SLC26A7: variants seen among roughly 807,000 people sequenced by gnomAD.
SLC26A7 encodes the protein solute carrier family 26 member 7.
Under a neutral mutation model 82.5 loss-of-function variants are expected in SLC26A7, and 59 were observed. That is an observed-to-expected ratio of 0.72 (90% confidence interval 0.58 to 0.89). SLC26A7 has a LOEUF of 0.89. Among genes scored for constraint, SLC26A7 ranks in the 40% least tolerant of loss-of-function variants. The probability of loss-of-function intolerance (pLI) is 0.00; values close to 1 mark genes in which losing one functional copy is unlikely to be tolerated. For missense variants in SLC26A7, 820 were observed against 793.0 expected, an observed-to-expected ratio of 1.03 and a Z score of -0.41; for synonymous variants, 271 against 274.3, an observed-to-expected ratio of 0.99 and a Z score of 0.12.
At chr8:91,335,277 A>T (rs888056156) in intron 6 of SLC26A7, among the ~76,000 whole-genome samples, 1 of 152,150 alleles carries the variant, frequency 6.6e-6, no homozygotes, top group African/African-American at 2.4e-5. Context: ...ATTGCAATTG[A>T]CTATTAAGGC....
At chr8:91,381,268 G>A (rs911007631) in intron 15 of SLC26A7, among the ~76,000 whole-genome samples, 5 of 152,058 alleles carry the variant, frequency 3.3e-5, no homozygotes, top group Non-Finnish European at 7.4e-5. Flanking sequence ...GAATGTTTTT[G>A]TAAGAGGATA....
intron 4 of SLC26A7, among the ~76,000 whole-genome samples, chr8:91,298,481 G>A (rs988675976): frequency 6.6e-6 from 1 of 151,874 alleles, no homozygotes; most frequent in Non-Finnish European, 1.5e-5. Flanking sequence ...TGTTTTCTAT[G>A]TAAGACATTA....
chr8:91,353,577 A>G (rs767921826), intron 11 of SLC26A7, among the ~76,000 whole-genome samples: 2 of 152,168 alleles, frequency 1.3e-5, no homozygotes, highest in Non-Finnish European at 2.9e-5. Flanking sequence ...AAACCTATCT[A>G]TGCAAGAGCA....
chr8:91,308,246 G>GGTGTGTGT (rs35920887), intron 4 of SLC26A7, among the ~76,000 whole-genome samples: 52 of 145,748 alleles, frequency 3.6e-4, no homozygotes, highest in African/African-American at 9.6e-4. Flanking sequence ...AGGAGGAAGA[G>GGTGTGTGT]GTGTGTGTGT....
chr8:91,235,491 A>G (rs1228049465), intron 2 of SLC26A7, among the ~76,000 whole-genome samples: 1 of 152,208 alleles, frequency 6.6e-6, no homozygotes, highest in Non-Finnish European at 1.5e-5. Flanking sequence ...CCAGTCTAGG[A>G]ACACTGTGAA....
intron 11 of SLC26A7, among the ~76,000 whole-genome samples, chr8:91,356,238 ATACCCAG>A (rs1303964118): frequency 6.6e-6 from 1 of 152,242 alleles, no homozygotes; most frequent in Non-Finnish European, 1.5e-5. Context: ...CTTTTGGTAT[ATACCCAG>A]TAATGGGATG....
At chr8:91,382,244 A>T (rs1814688879) in intron 15 of SLC26A7, among the ~76,000 whole-genome samples, 1 of 152,170 alleles carries the variant, frequency 6.6e-6, no homozygotes, top group Admixed American at 6.5e-5. Context: ...AATAAATTAT[A>T]ATGGTTTCCT....
rs747237907 is a variant in SLC26A7, at chr8:91,292,051, G to T, written c.304+2805G>T. 5.3e-5 allele frequency among the ~76,000 whole-genome samples: 8 copies of T among 152,088 alleles called. 1 individual carries two copies. Among genetic ancestry groups the T allele is most frequent in the Non-Finnish European group, 7.4e-5 (5 of 67,996 alleles). On this transcript the variant is annotated intron_variant, in intron 3 of 18. Transcript: ENST00000276609. ...CTGGGTGCGGTGGCTCACACCTGTA[G>T]TCCCAGCCCTTTGGGAGGCCGAAGC...
intron 4 of SLC26A7, among the ~76,000 whole-genome samples, chr8:91,301,482 T>G (rs1042378814): frequency 1.3e-5 from 2 of 152,130 alleles, no homozygotes; most frequent in African/African-American, 4.8e-5. Flanking sequence ...TTTTTATCTA[T>G]CTTTTCAAAT....
chr8:91,293,129 G>T (rs574015021), intron 3 of SLC26A7, among the ~76,000 whole-genome samples: 1 of 152,206 alleles, frequency 6.6e-6, no homozygotes, highest in Non-Finnish European at 1.5e-5. Flanking sequence ...AGCTGAGAGA[G>T]GTTAGGTAAC....
chr8:91,348,302 G>A, intron 9 of SLC26A7: 1 of 984,910 alleles, frequency 1.0e-6, no homozygotes, highest in Non-Finnish European at 1.2e-6. Flanking sequence ...CCACAAGACT[G>A]CACATGCAGT....
intron 7 of SLC26A7, 43 bp from the exon 8 acceptor site, chr8:91,340,361 T>C (rs907322450): frequency 6.3e-7 from 1 of 1,594,294 alleles, no homozygotes; most frequent in Non-Finnish European, 8.6e-7. Flanking sequence ...TTACAGAAAT[T>C]ACATGAAGTT....
chr8:91,361,205 C>T (rs773535743), intron 11 of SLC26A7, among the ~76,000 whole-genome samples: 2 of 152,074 alleles, frequency 1.3e-5, no homozygotes, highest in Non-Finnish European at 2.9e-5. Context: ...AAGAATCACT[C>T]AAACTCAGTG....
upstream of SLC26A7, among the ~76,000 whole-genome samples, chr8:91,247,808 A>C (rs1220875052): frequency 6.6e-6 from 1 of 152,120 alleles, no homozygotes; most frequent in East Asian, 1.9e-4. Flanking sequence ...TTGATTGGTG[A>C]TTTCAGTTAA....
chr8:91,351,821 A>G lies in SLC26A7; in HGVS notation c.1152A>G (p.Leu384=). The change falls in exon 10 of 19, where the codon CTA becomes CTG. Residue 384 remains leucine (L), a synonymous_variant. Coordinates refer to ENST00000276609, the MANE Select transcript of SLC26A7 (RefSeq NM_052832.4). ...STGAKTQVAC[L]ISCIFVLIVI... ...CTTGTATTTTACAGGTGGCTTGTCT[A>G]ATATCTTGCATTTTCGTCCTTATAG... The G allele has an allele frequency of 6.2e-7, 1 of 1,611,180 alleles. No homozygotes were observed. The highest frequency in any genetic ancestry group is 8.5e-7 in the Non-Finnish European group (1 of 1,177,932).
rs1262545809 is a variant in SLC26A7, at chr8:91,262,875, CAAT to C, written c.193+13032_193+13034del. ...GTGCTTAATTTCATAAATATTTTAACAATTATTAATATAAAATCAATATTTCAG... is the reference window on the plus strand; with the variant it reads ...GTGCTTAATTTCATAAATATTTTAACTATTAATATAAAATCAATATTTCAG... On this transcript the variant is annotated intron_variant, in intron 2 of 18. Coordinates refer to ENST00000276609, the MANE Select transcript of SLC26A7 (RefSeq NM_052832.4). Among the ~76,000 whole-genome samples, 3 of 151,988 alleles carry C rather than the reference CAAT, an allele frequency of 2.0e-5. No homozygotes were observed. The East Asian group carries it at 5.8e-4, about 29-fold the overall frequency.
intron 4 of SLC26A7, among the ~76,000 whole-genome samples, chr8:91,308,439 T>C (rs1812384805): frequency 6.6e-6 from 1 of 152,162 alleles, no homozygotes; most frequent in African/African-American, 2.4e-5. Context: ...TGAAACTCTA[T>C]ACTCATTAAA....
rs55732709 is a variant in SLC26A7 at position 91,225,643 on chromosome 8, G to GTTTTTTTT, written c.-34+6663_-34+6670dup. The stretch of plus-strand genomic sequence containing the variant: ...TCTTGGCCCTGCCCCCTAGAAAAGT[G>GTTTTTTTT]TTTTTTTTTTTTTTTTTTTTTTTTT... On this transcript the variant is annotated intron_variant, in intron 2 of 5. Transcript: ENST00000522862. Among the ~76,000 whole-genome samples, 43 of 36,134 alleles carry GTTTTTTTT rather than the reference G, an allele frequency of 1.2e-3. 4 individuals carry two copies. Among genetic ancestry groups the GTTTTTTTT allele is most frequent in the East Asian group, 2.6e-3 (2 of 774 alleles). The allele number at this position is 36,134 out of a possible 152,430, so 23.7% of individuals were successfully genotyped here.
intron 15 of SLC26A7, among the ~76,000 whole-genome samples, chr8:91,373,945 C>A (rs1267844259): frequency 2.6e-5 from 4 of 151,806 alleles, no homozygotes; most frequent in Non-Finnish European, 5.9e-5. Context: ...CTTCCTGGTT[C>A]AATCTTGGGA....
Sources: gnomAD v4.1 joint callset for allele counts (sites outside exome capture counted in the v4.1 genomes callset) on GRCh38, gnomAD v4.1.1 for gene constraint, MANE v1.5 for transcripts, NCBI Gene and HGNC (gene_info 2026-07-23, HGNC 2026-07-21) for gene names.